Variants in INO80 observed in about 807,000 individuals in gnomAD.
The protein encoded by INO80 is chromatin-remodeling ATPase INO80.
A neutral mutation model predicts 203.4 loss-of-function variants in INO80; 20 were observed. The observed-to-expected ratio is 0.10, with a 90% CI of 0.07 to 0.14. The LOEUF (loss-of-function observed/expected upper bound fraction) is 0.14, where lower values mean the gene tolerates loss of function less well. Among genes scored for constraint, INO80 ranks in the 10% least tolerant of loss-of-function variants. INO80 has a pLI of 1.00. For missense variants in INO80, 1,419 were observed against 1,914.4 expected, an observed-to-expected ratio of 0.74 and a Z score of 4.83; for synonymous variants, 726 against 685.2, an observed-to-expected ratio of 1.06 and a Z score of -0.93.
intron 29 of INO80, among the ~76,000 whole-genome samples, chr15:40,992,654 CG>C (rs1347274704): frequency 1.3e-5 from 2 of 152,208 alleles, no homozygotes; most frequent in African/African-American, 2.4e-5. Context: ...AGTATATCCT[CG>C]GAATTAATTT....
intron 25 of INO80, among the ~76,000 whole-genome samples, chr15:41,022,349 C>A (rs548910011): frequency 6.6e-6 from 1 of 152,164 alleles, no homozygotes; most frequent in Admixed American, 6.5e-5. Flanking sequence ...TTGCTATTAA[C>A]TTTTCTCCTT....
intron 25 of INO80, 83 bp downstream of exon 25, chr15:41,027,513 C>A: frequency 1.7e-6 from 2 of 1,171,314 alleles, no homozygotes; most frequent in Non-Finnish European, 2.4e-6. Context: ...TAAAACAATT[C>A]TGTTTAAGAA....
chr15:41,003,329 C>CTTTTTTTTTTTT (rs771356698), intron 28 of INO80, among the ~76,000 whole-genome samples: 2 of 107,604 alleles, frequency 1.9e-5, no homozygotes, highest in East Asian at 3.1e-4. Context: ...TTTTTCTTTT[C>CTTTTTTTTTTTT]TTTTCTTTTT....
intron 24 of INO80, among the ~76,000 whole-genome samples, chr15:41,044,642 CAT>C (rs1225450168): frequency 6.6e-6 from 1 of 151,752 alleles, no homozygotes. Flanking sequence ...AGTGTATACA[CAT>C]ATATAAATTC....
chr15:40,995,910 T>C (rs1226472494), intron 29 of INO80, among the ~76,000 whole-genome samples: 2 of 152,196 alleles, frequency 1.3e-5, no homozygotes, highest in Non-Finnish European at 2.9e-5. Flanking sequence ...GATGTACAGC[T>C]ACCCAGCAAT....
intron 24 of INO80, among the ~76,000 whole-genome samples, chr15:41,035,588 G>A (rs1165018956): frequency 3.3e-5 from 5 of 151,506 alleles, no homozygotes; most frequent in Non-Finnish European, 7.4e-5. Flanking sequence ...TTGAGAGGCC[G>A]AGGCAGATGG....
Position 40,979,230 on chromosome 15 carries a change from A to G in INO80, c.*993T>C, listed in dbSNP as rs184977146. 416 of 152,730 alleles carry G rather than the reference A, an allele frequency of 2.7e-3. 3 individuals are homozygous for G. The highest frequency in any genetic ancestry group is 0.014 in the South Asian group (66 of 4,828). The allele number at this position is 152,730 out of a possible 1,614,324, so 9.5% of individuals were successfully genotyped here. A position where few individuals can be genotyped will look rare whatever the true frequency, so the allele number is the denominator to read the frequency against. On this transcript the variant is annotated 3_prime_UTR_variant, in exon 36 of 36. Coordinates refer to ENST00000648947, the MANE Select transcript of INO80 (RefSeq NM_017553.3). ...GCTCCACCAGGGACATCAGGCAGGGACAGGCAGAAACACCTCCCATGCAAA... is the reference window on the plus strand; with the variant it reads ...GCTCCACCAGGGACATCAGGCAGGGGCAGGCAGAAACACCTCCCATGCAAA...
intron 24 of INO80, among the ~76,000 whole-genome samples, chr15:41,037,851 G>A (rs1201884841): frequency 6.6e-6 from 1 of 151,238 alleles, no homozygotes; most frequent in East Asian, 2.0e-4. Flanking sequence ...GCTGAGGCAG[G>A]AGAATCACTT....
rs768887646 is a variant in INO80 at position 41,027,695 on chromosome 15, G to A, written c.2949C>T (p.Tyr983=). ...TCCGCTGATGGACAACCTGGTCTGA[G>A]TAGCCACTCACTGCTTTACAGTGGC... ...FSSHCKAVSG[Y]SDQVVHQRRS... is the part of the protein sequence containing the mutation. The change falls in exon 25 of 36, where the codon TAC becomes TAT. Residue 983 remains tyrosine (Y), a synonymous_variant. Transcript: ENST00000648947. The A allele has an allele frequency of 2.5e-6, 4 of 1,612,580 alleles. No individual in the cohort carries two copies. The highest frequency in any genetic ancestry group is 3.4e-6 in the Non-Finnish European group (4 of 1,179,366).
chr15:41,060,247 A>C (rs982318811), intron 14 of INO80, among the ~76,000 whole-genome samples: 5 of 152,182 alleles, frequency 3.3e-5, no homozygotes, highest in African/African-American at 9.7e-5. Flanking sequence ...ATGGCATTAC[A>C]AAAGTTCTAG....
chr15:41,109,567 C>G (rs929638596), intron 1 of INO80, among the ~76,000 whole-genome samples: 8 of 152,042 alleles, frequency 5.3e-5, no homozygotes. Context: ...GAGGCTGAGG[C>G]GGGTGGATCA....
intron 1 of INO80, among the ~76,000 whole-genome samples, chr15:41,102,304 T>C (rs1358601589): frequency 6.6e-6 from 1 of 152,202 alleles, no homozygotes; most frequent in Admixed American, 6.6e-5. Flanking sequence ...CCCCAATATA[T>C]TACAATTAGG....
intron 24 of INO80, among the ~76,000 whole-genome samples, chr15:41,040,975 T>G (rs2140510197): frequency 6.6e-6 from 1 of 152,274 alleles, no homozygotes; most frequent in South Asian, 2.1e-4. Context: ...AGAAAAGGTA[T>G]TCAATATCAT....
At chr15:41,020,498 T>C (rs1307631568) in intron 26 of INO80, among the ~76,000 whole-genome samples, 1 of 152,216 alleles carries the variant, frequency 6.6e-6, no homozygotes, top group African/African-American at 2.4e-5. Flanking sequence ...TTCAGATCTC[T>C]AGTGCTTCAT....
intron 28 of INO80, among the ~76,000 whole-genome samples, chr15:41,003,158 G>A (rs191158669): frequency 6.6e-6 from 1 of 151,606 alleles, no homozygotes; most frequent in Non-Finnish European, 1.5e-5. Context: ...GTTGGCAAAG[G>A]CTTTTTAATG....
chr15:41,021,687 T>G (rs946396923), intron 25 of INO80, among the ~76,000 whole-genome samples: 3 of 152,150 alleles, frequency 2.0e-5, no homozygotes, highest in Non-Finnish European at 2.9e-5. Context: ...TTTCAGGCCA[T>G]AAACTGGGGA....
chr15:41,107,290 C>A (rs1313885586), intron 1 of INO80, among the ~76,000 whole-genome samples: 1 of 152,156 alleles, frequency 6.6e-6, no homozygotes, highest in Non-Finnish European at 1.5e-5. Context: ...AGTTCAAGAC[C>A]AGGAGTTCGA....
intron 29 of INO80, among the ~76,000 whole-genome samples, chr15:40,991,215 ATATT>A (rs1362648689): frequency 2.0e-5 from 3 of 152,214 alleles, no homozygotes; most frequent in Admixed American, 2.0e-4. Context: ...AATATGGAAG[ATATT>A]TATCCTTTAC....
chr15:40,986,663 T>C (rs1369313868), intron 31 of INO80, among the ~76,000 whole-genome samples: 6 of 152,112 alleles, frequency 3.9e-5, no homozygotes, highest in Admixed American at 6.6e-5. Context: ...TTCACTCTTA[T>C]TGCCCGGGCT....
Sources: gnomAD v4.1 joint callset for allele counts (sites outside exome capture counted in the v4.1 genomes callset) on GRCh38, gnomAD v4.1.1 for gene constraint, MANE v1.5 for transcripts, NCBI Gene and HGNC (gene_info 2026-07-23, HGNC 2026-07-21) for gene names.